The following RBPJ variants were observed in gnomAD, a reference collection of about 807,000 sequenced individuals.
The protein encoded by RBPJ is recombination signal binding protein for immunoglobulin kappa J region, also known as recombining binding protein suppressor of hairless.
RBPJ carries 9 observed loss-of-function variants against 67.8 expected under a neutral mutation model. That is an observed-to-expected ratio of 0.13 (90% CI 0.08 to 0.23). The LOEUF is 0.23. RBPJ is among the 10% of genes least tolerant of loss of function. RBPJ has a pLI of 1.00. For synonymous variants in RBPJ, 198 were observed against 203.3 expected (o/e 0.97, Z 0.22); for missense variants, 305 against 595.6 (o/e 0.51, Z 5.08).
chr4:26,244,570 A>G (rs1030395384), intron 1 of RBPJ, among the ~76,000 whole-genome samples: 1 of 151,926 alleles, frequency 6.6e-6, no homozygotes, highest in Admixed American at 6.6e-5. Flanking sequence ...GTTATTTTAT[A>G]TGACTATATT....
chr4:26,421,664 A>G (rs950624083), intron 5 of RBPJ, among the ~76,000 whole-genome samples: 4 of 152,020 alleles, frequency 2.6e-5, no homozygotes, highest in African/African-American at 7.3e-5. Context: ...GGTTTTATCA[A>G]TTCTGTTTCA....
chr4:26,190,334 C>G (rs189949601), intron 1 of RBPJ, among the ~76,000 whole-genome samples: 101 of 152,278 alleles, frequency 6.6e-4, no homozygotes, highest in African/African-American at 2.4e-3. Flanking sequence ...AACCTGGTCC[C>G]TATGGGAAAC....
chr4:26,210,753 T>TTCTTTCTG (rs1718382376), intron 1 of RBPJ, among the ~76,000 whole-genome samples: 1 of 59,028 alleles, frequency 1.7e-5, no homozygotes, highest in Non-Finnish European at 3.5e-5. Flanking sequence ...CCTTCTTTCC[T>TTCTTTCTG]TCTTTCTTTC....
At position 26,252,190 on chromosome 4, in the gene RBPJ, A is replaced by G. The variant is rs544202932; in HGVS notation, c.-167+88576A>G. Reference sequence around the variant, plus strand: ...TGTATCCATCATCTGAATGATGTACATTTTGTACCCATTAAGTAATTTCTC... The same window carrying G: ...TGTATCCATCATCTGAATGATGTACGTTTTGTACCCATTAAGTAATTTCTC... On this transcript the variant is annotated intron_variant, in intron 1 of 4. Coordinates refer to the RBPJ transcript ENST00000512351. Among the ~76,000 whole-genome samples, 28 of 152,032 alleles carry G rather than the reference A, an allele frequency of 1.8e-4. No individual in the cohort carries two copies. In the South Asian group the frequency reaches 2.5e-3, roughly 14 times the overall value.
intron 1 of RBPJ, among the ~76,000 whole-genome samples, chr4:26,167,892 A>C (rs1356022773): frequency 6.6e-6 from 1 of 152,070 alleles, no homozygotes; most frequent in Admixed American, 6.6e-5. Context: ...CTAGGATTGC[A>C]ACCCCTGCCT....
intron 2 of RBPJ, among the ~76,000 whole-genome samples, chr4:26,404,633 TGGATTATGA>T (rs1733204220): frequency 6.6e-6 from 1 of 152,208 alleles, no homozygotes; most frequent in African/African-American, 2.4e-5. Flanking sequence ...CTTATCTTTT[TGGATTATGA>T]GGATTAAATA....
At chr4:26,405,131 C>T (rs546527120) in intron 2 of RBPJ, among the ~76,000 whole-genome samples, 47 of 152,240 alleles carry the variant, frequency 3.1e-4, no homozygotes, top group South Asian at 4.1e-4. Context: ...ATCCCCTCAG[C>T]CACCCTGTGG....
intron 1 of RBPJ, among the ~76,000 whole-genome samples, chr4:26,210,363 T>C (rs1166139625): frequency 6.6e-6 from 1 of 152,126 alleles, no homozygotes; most frequent in African/African-American, 2.4e-5. Context: ...GGAGAAGAGG[T>C]TGAAGTCTAT....
intron 1 of RBPJ, among the ~76,000 whole-genome samples, chr4:26,241,480 GTCT>G (rs1719635058): frequency 6.6e-6 from 1 of 151,966 alleles, no homozygotes; most frequent in Non-Finnish European, 1.5e-5. Flanking sequence ...CTTCTGACCT[GTCT>G]TCTTTTCACT....
intron 1 of RBPJ, among the ~76,000 whole-genome samples, chr4:26,386,042 T>C (rs931580929): frequency 1.8e-4 from 27 of 152,162 alleles, no homozygotes; most frequent in East Asian, 1.5e-3. Context: ...ATGATAAACT[T>C]TGTGAGGGTC....
At chr4:26,357,732 C>A (rs921396717) in intron 1 of RBPJ, among the ~76,000 whole-genome samples, 14 of 152,092 alleles carry the variant, frequency 9.2e-5, no homozygotes, top group African/African-American at 2.7e-4. Context: ...TAATAACTCC[C>A]CATTGCCCCC....
chr4:26,113,814 G>C, the RBPJ span: 13 of 228,984 alleles, frequency 5.7e-5, no homozygotes, highest in East Asian at 1.3e-3. Context: ...ATTCACACAA[G>C]GCCAAAAGGT....
chr4:26,183,048 C>G (rs1025817686), intron 1 of RBPJ, among the ~76,000 whole-genome samples: 1 of 152,196 alleles, frequency 6.6e-6, no homozygotes, highest in Non-Finnish European at 1.5e-5. Context: ...TACACTCTAA[C>G]CTAACAATAA....
intron 1 of RBPJ, among the ~76,000 whole-genome samples, chr4:26,183,559 A>G (rs1717099280): frequency 6.6e-6 from 1 of 152,194 alleles, no homozygotes; most frequent in South Asian, 2.1e-4. Flanking sequence ...CTCCCAACTC[A>G]GACAACTAGA....
Position 26,429,967 on chromosome 4 carries a change from A to C in RBPJ, c.958A>C (p.Thr320Pro). ...NDGASWTIIS[T>P]DKAEYTFYEG... is the part of the protein sequence containing the mutation. ...TGGCGCTTCCTGGACAATCATTAGC[A>C]CAGATAAGGCAGAGTATACATTTTA... is the stretch of plus-strand genomic sequence containing the variant. Residue 320 changes from threonine to proline, a missense_variant, in exon 9 of 11, where the codon ACA (threonine) becomes CCA (proline). Thr to Pro is a conservative substitution (Grantham distance 38). This residue lies in a region of RBPJ where 66 missense variants were observed against 226.0 expected (regional missense o/e 0.29). Transcript: ENST00000355476. The C allele has an allele frequency of 6.2e-7, 1 of 1,614,020 alleles. No individual in the cohort carries two copies. The highest frequency in any genetic ancestry group is 8.5e-7 in the Non-Finnish European group (1 of 1,179,940).
At chr4:26,184,577 A>G (rs1037250068) in intron 1 of RBPJ, among the ~76,000 whole-genome samples, 10 of 152,110 alleles carry the variant, frequency 6.6e-5, no homozygotes, top group Admixed American at 1.3e-4. Flanking sequence ...ACAGAAAGAA[A>G]GGCCCAAGGT....
chr4:26,109,406 A>C, the RBPJ span, among the ~76,000 whole-genome samples: 5 of 108,266 alleles, frequency 4.6e-5, no homozygotes, highest in African/African-American at 1.0e-4. Context: ...GTGCCTGTCC[A>C]CCTTCCTCTC....
intron 1 of RBPJ, among the ~76,000 whole-genome samples, chr4:26,255,274 G>C (rs1255441943): frequency 1.5e-5 from 2 of 136,074 alleles, no homozygotes; most frequent in East Asian, 2.2e-4. Flanking sequence ...CGTGGTGGCG[G>C]GCGCCTGTAG....
intron 1 of RBPJ, among the ~76,000 whole-genome samples, chr4:26,373,635 C>CATG (rs1459823892): frequency 6.6e-6 from 1 of 152,142 alleles, no homozygotes; most frequent in Non-Finnish European, 1.5e-5. Flanking sequence ...TATGTAGATT[C>CATG]ATGTTCTTTT....
Sources: allele counts gnomAD v4.1 joint callset (sites outside exome capture counted in the v4.1 genomes callset), GRCh38; gene constraint gnomAD v4.1.1; regional missense constraint gnomAD v4.1.1; transcripts MANE v1.5; gene names NCBI Gene and HGNC (gene_info 2026-07-23, HGNC 2026-07-21).